PSG4: variants seen among roughly 807,000 people sequenced by gnomAD.
PSG4 encodes pregnancy specific beta-1-glycoprotein 4.
Under a neutral mutation model 44.3 loss-of-function variants are expected in PSG4, and 61 were observed. That is an observed-to-expected ratio of 1.38 (90% CI 1.12 to 1.70). PSG4 has a LOEUF of 1.70. PSG4 is among the 40% of genes most tolerant of loss of function. PSG4 has a pLI of 0.00. For synonymous variants in PSG4, 248 were observed against 191.3 expected, an observed-to-expected ratio of 1.30 and a Z score of -2.45; for missense variants, 677 against 511.7, an observed-to-expected ratio of 1.32 and a Z score of -3.12.
rs748277035 is a variant in PSG4, at chr19:43,198,001, G to A, written c.705C>T (p.Leu235=). ...AGAGGAACAGAGGATACTCACGGAGGAGATTCAGGGTGACTGGGTCACTGC... is the reference window on the plus strand; with the variant it reads ...AGAGGAACAGAGGATACTCACGGAGAAGATTCAGGGTGACTGGGTCACTGC... ...ASRSDPVTLN[L]LPKLSKPYIT... Residue 235 remains leucine, a synonymous_variant, in exon 3 of 6, where the codon CTC becomes CTT. Coordinates refer to ENST00000405312, the MANE Select transcript of PSG4 (RefSeq NM_002780.5). 3.1e-6 allele frequency: 5 copies of A among 1,587,826 alleles called. 1 individual carries two copies. Among genetic ancestry groups the A allele is most frequent in the Non-Finnish European group, 1.7e-6 (2 of 1,171,960 alleles).
intron 4 of PSG4, 193 bp from the exon 5 acceptor site, chr19:43,194,787 C>A: frequency 7.1e-7 from 1 of 1,416,564 alleles, no homozygotes; most frequent in Non-Finnish European, 9.4e-7. Context: ...GGCCCCAAGT[C>A]TCCCATGACA....
chr19:43,194,036 T>G, intron 5 of PSG4: 1 of 1,068,054 alleles, frequency 9.4e-7, no homozygotes, highest in Non-Finnish European at 1.3e-6. Context: ...AACAAACCAT[T>G]TAAAGAATCA....
In PSG4 at chr19:43,200,470, C is replaced by T. The variant is rs180888496; in HGVS notation, c.431-2195G>A. Reference sequence around the variant, plus strand: ...TTTTTCCCCACCCTTTTTGAACTTTCCTGTTTCAGTTTTGGAAGTTTCTAT... The same window carrying T: ...TTTTTCCCCACCCTTTTTGAACTTTTCTGTTTCAGTTTTGGAAGTTTCTAT... On this transcript the variant is annotated intron_variant, in intron 2 of 5. Transcript: ENST00000405312. Among the ~76,000 whole-genome samples the T allele has an allele frequency of 1.3e-4, 19 of 145,326 alleles. 3 individuals are homozygous for T. Among genetic ancestry groups the T allele is most frequent in the African/African-American group, 4.2e-4 (16 of 37,902 alleles).
rs1176045112 is a variant in PSG4 at position 43,204,357 on chromosome 19, C to A, written c.65-106G>T. 9.0e-6 allele frequency: 12 copies of A among 1,338,462 alleles called. 4 individuals carry two copies. The East Asian group carries it at 3.4e-4, about 38-fold the overall frequency. The allele number at this position is 1,338,462 out of a possible 1,614,324, so 82.9% of individuals were successfully genotyped here. On this transcript the variant is annotated intron_variant, in intron 1 of 5. Coordinates refer to ENST00000405312, the MANE Select transcript of PSG4 (RefSeq NM_002780.5). ...ATCCTCAGCCTTGAAGACACACAAA[C>A]ACACACATACAAACACATACACACA... is the stretch of plus-strand genomic sequence containing the variant.
rs766210630 is a variant in PSG4 at position 43,195,189 on chromosome 19, T to G, written c.794A>C (p.Lys265Thr). ...CCAAATGTAGGTGTAGTTCTTACTC[T>G]TAGGTTCACAGGTGAAGGTTAAGAC... ...KDVLTFTCEP[K>T]SKNYTYIWWL... The change falls in exon 4 of 6, where the codon AAG (lysine) becomes ACG (threonine). Residue 265 changes from lysine to threonine, a missense_variant. Lys to Thr is a moderately conservative substitution (Grantham distance 78, BLOSUM62 -1). Coordinates refer to ENST00000405312, the MANE Select transcript of PSG4 (RefSeq NM_002780.5). 12 of 1,610,070 alleles carry G rather than the reference T, an allele frequency of 7.5e-6. No homozygotes were observed. In the Admixed American group the frequency reaches 2.0e-4, roughly 27 times the overall value.
chr19:43,203,806 C>A, intron 2 of PSG4, 80 bp downstream of exon 2: 1 of 1,551,204 alleles, frequency 6.4e-7, no homozygotes, highest in Non-Finnish European at 8.7e-7. Flanking sequence ...CAGGCAGAGT[C>A]CAGGCCTGAG....
chr19:43,193,946 T>A lies in PSG4; in HGVS notation c.1243+394A>T, dbSNP rs1006762272. On this transcript the variant is annotated intron_variant, in intron 5 of 5. Coordinates refer to ENST00000405312, the MANE Select transcript of PSG4 (RefSeq NM_002780.5). Reference sequence around the variant, plus strand: ...AGAGAGCAAAAGTAAATGTTTCAATTACGGTTCCCAGAAGTATAGTTTATT... The same window carrying A: ...AGAGAGCAAAAGTAAATGTTTCAATAACGGTTCCCAGAAGTATAGTTTATT... 1.6e-4 allele frequency: 120 copies of A among 770,094 alleles called. 2 individuals carry two copies. The highest frequency in any genetic ancestry group is 1.0e-3 in the South Asian group (72 of 68,920). The allele number at this position is 770,094 out of a possible 1,614,324, so 47.7% of individuals were successfully genotyped here. A position where few individuals can be genotyped will look rare whatever the true frequency, so the allele number is the denominator to read the frequency against.
Position 43,193,041 on chromosome 19 carries a change from T to C in PSG4, c.*331A>G, listed in dbSNP as rs1455193781. On this transcript the variant is annotated 3_prime_UTR_variant, in exon 6 of 6. Transcript: ENST00000405312. Reference sequence around the variant, plus strand: ...ATGTGAAATTCTAATGACTGCATTATCCTGCCAAGTGAAAGAGGCAGGCAT... The same window carrying C: ...ATGTGAAATTCTAATGACTGCATTACCCTGCCAAGTGAAAGAGGCAGGCAT... 1 of 584,098 alleles carries C rather than the reference T, an allele frequency of 1.7e-6. No individual in the cohort carries two copies. Among genetic ancestry groups the C allele is most frequent in the Non-Finnish European group, 3.0e-6 (1 of 328,232 alleles). The allele number at this position is 584,098 out of a possible 1,614,324, so 36.2% of individuals were successfully genotyped here.
intron 5 of PSG4, 116 bp downstream of exon 5, chr19:43,194,224 T>A: frequency 6.3e-7 from 1 of 1,587,650 alleles, no homozygotes; most frequent in Non-Finnish European, 8.6e-7. Flanking sequence ...GAATTTGGGA[T>A]TTGCTTGTGC....
intron 3 of PSG4, 65 bp downstream of exon 3, chr19:43,197,932 C>A: frequency 6.4e-7 from 1 of 1,565,418 alleles, no homozygotes; most frequent in East Asian, 2.9e-5. Context: ...GACTGAGAGG[C>A]CTGGCCTCTG....
rs751386330 is a variant in PSG4 at position 43,198,174 on chromosome 19, A to C, written c.532T>G (p.Tyr178Asp). 1 of 1,587,982 alleles carries C rather than the reference A, an allele frequency of 6.3e-7. No individual in the cohort carries two copies. The highest frequency in any genetic ancestry group is 8.5e-7 in the Non-Finnish European group (1 of 1,171,952). ...CTCTGACCATTCATCCACCACTGGT[A>C]GCTTGCGGCTGGAGTCGCAGGATCA... is the stretch of plus-strand genomic sequence containing the variant. Reference protein sequence around the residue: ...TCDPATPAASYQWWMNGQSLP... With the variant: ...TCDPATPAASDQWWMNGQSLP... The change falls in exon 3 of 6, where the codon TAC becomes GAC. Residue 178 changes from tyrosine (Y) to aspartate (D), a missense_variant. By Grantham distance (160) the Tyr-to-Asp change is radical. Transcript: ENST00000405312.
chr19:43,195,334 A>T (rs545673788), intron 3 of PSG4, 61 bp from the exon 4 acceptor site: 2 of 1,584,834 alleles, frequency 1.3e-6, no homozygotes, highest in African/African-American at 1.4e-5. Flanking sequence ...CCACAGGCAT[A>T]CTTCAATCAG....
In PSG4 at chr19:43,204,808, C is replaced by G. The variant is rs28628847; in HGVS notation, c.65-557G>C. 3.8e-3 allele frequency: 1,431 copies of G among 376,132 alleles called. 236 individuals are homozygous for G. In the African/African-American group the frequency reaches 0.055, roughly 14 times the overall value. The allele number at this position is 376,132 out of a possible 1,614,324, so 23.3% of individuals were successfully genotyped here. ...CTGTAGATGTGAGAGTTCTCAGGGTCTCCACCCTCTGGATGTTTCTTTTTC... is the reference window on the plus strand; with the variant it reads ...CTGTAGATGTGAGAGTTCTCAGGGTGTCCACCCTCTGGATGTTTCTTTTTC... On this transcript the variant is annotated intron_variant, in intron 1 of 5. Transcript: ENST00000405312.
chr19:43,203,907 G>T lies in PSG4; in HGVS notation c.409C>A (p.His137Asn). ...TCACGGTGTAAGGTGAAGGTGAAAT[G>T]TCCAGTTACTCCTCCAGTCCCATCG... ...RRDGTGGVTGHFTFTLHLETP... is the reference protein window; with the variant it reads ...RRDGTGGVTGNFTFTLHLETP... Residue 137 changes from histidine to asparagine, a missense_variant, in exon 2 of 6, where the codon CAT becomes AAT. Physicochemically the swap from His to Asn is moderately conservative, Grantham distance 68. Transcript: ENST00000405312. 6.3e-7 allele frequency: 1 copy of T among 1,582,488 alleles called. No homozygotes were observed.
Position 43,193,159 on chromosome 19 carries a change from C to G in PSG4, c.*213G>C, listed in dbSNP as rs1967085175. ...AAAACTGTCCACAGTGTGAAGTCAT[C>G]AACTTGTTATCCTGGTTTACAGTTT... On this transcript the variant is annotated 3_prime_UTR_variant, in exon 6 of 6. Coordinates refer to ENST00000405312, the MANE Select transcript of PSG4 (RefSeq NM_002780.5). 1 of 714,330 alleles carries G rather than the reference C, an allele frequency of 1.4e-6. No homozygotes were observed. Among genetic ancestry groups the G allele is most frequent in the African/African-American group, 1.7e-5 (1 of 57,422 alleles). 44.2% of individuals were successfully genotyped at this position (714,330 alleles called of 1,614,324 possible).
At chr19:43,193,899 C>T in intron 5 of PSG4, 3 of 697,490 alleles carry the variant, frequency 4.3e-6, no homozygotes, top group Non-Finnish European at 7.8e-6. Context: ...TGAATAGTTG[C>T]CCAATTCTGG....
In PSG4 at chr19:43,194,884, C is replaced by T. The variant is rs1180199461; in HGVS notation, c.988+111G>A. On this transcript the variant is annotated intron_variant, in intron 4 of 5. Transcript: ENST00000405312. ...AGGGAGTCATGGCCACCTCGGATGTCCAGAAGTAAAGGTGTCTATACTTGG... is the reference window on the plus strand; with the variant it reads ...AGGGAGTCATGGCCACCTCGGATGTTCAGAAGTAAAGGTGTCTATACTTGG... 10 of 1,542,326 alleles carry T rather than the reference C, an allele frequency of 6.5e-6. No homozygotes were observed. The Admixed American group carries it at 9.8e-5, about 15-fold the overall frequency.
chr19:43,192,975 G>A lies in PSG4; in HGVS notation c.*397C>T, dbSNP rs557062952. On this transcript the variant is annotated 3_prime_UTR_variant, in exon 6 of 6. Coordinates refer to ENST00000405312, the MANE Select transcript of PSG4 (RefSeq NM_002780.5). ...TTACGTAAAAGTTTGAGGTTGAGAT[G>A]ACATATCTGACACTCTGTTGTTACC... is the stretch of plus-strand genomic sequence containing the variant. 5 of 485,824 alleles carry A rather than the reference G, an allele frequency of 1.0e-5. 1 individual carries two copies. The South Asian group carries it at 1.7e-4, about 17-fold the overall frequency. The allele number at this position is 485,824 out of a possible 1,614,324, so 30.1% of individuals were successfully genotyped here. A position where few individuals can be genotyped will look rare whatever the true frequency, so the allele number is the denominator to read the frequency against.
Position 43,194,341 on chromosome 19 carries a change from A to G in PSG4, c.1242T>C (p.Ser414=). 1 of 1,612,344 alleles carries G rather than the reference A, an allele frequency of 6.2e-7. No individual in the cohort carries two copies. The highest frequency in any genetic ancestry group is 8.5e-7 in the Non-Finnish European group (1 of 1,179,078). Residue 414 remains serine (S), a splice_region_variant and synonymous_variant, in exon 5 of 6, where the codon TCT becomes TCC. Coordinates refer to ENST00000405312, the MANE Select transcript of PSG4 (RefSeq NM_002780.5). ...ESSKSITVKV[S]DWILP ...CCAAGGATGCTGGGATCCACTTACC[A>G]GAGACTTTGACTGTGATGGATTTGG...
Sources: allele counts gnomAD v4.1 joint callset (sites outside exome capture counted in the v4.1 genomes callset), GRCh38; gene constraint gnomAD v4.1.1; transcripts MANE v1.5; gene names NCBI Gene and HGNC (gene_info 2026-07-23, HGNC 2026-07-21).